VIRMA: variants seen among roughly 807,000 people sequenced by gnomAD.
VIRMA encodes vir like m6A methyltransferase associated.
In VIRMA, 65 loss-of-function variants were observed where a neutral mutation model predicts 182.4. The ratio of observed to expected loss-of-function variants is 0.36; its 90% CI spans 0.29 to 0.44. The LOEUF is 0.44. VIRMA is among the 20% of genes least tolerant of loss of function. The probability of loss-of-function intolerance (pLI) is 1.00; values close to 1 mark genes in which losing one functional copy is unlikely to be tolerated. For missense variants in VIRMA, 1,752 were observed against 2,158.1 expected (o/e 0.81, Z 3.73); for synonymous variants, 709 against 743.1 (o/e 0.95, Z 0.75).
chr8:94,514,822 A>T (rs1363512772), intron 11 of VIRMA, 47 bp downstream of exon 11: 1 of 927,098 alleles, frequency 1.1e-6, no homozygotes, highest in African/African-American at 1.6e-5. Flanking sequence ...ACCATGTACT[A>T]CCACACAGTT....
At chr8:94,547,580 C>A (rs1393187546) in intron 1 of VIRMA, among the ~76,000 whole-genome samples, 1 of 150,908 alleles carries the variant, frequency 6.6e-6, no homozygotes, top group East Asian at 1.9e-4. Context: ...TTTTAAATGA[C>A]CTCTAAAATA....
chr8:94,505,453 C>A (rs1814121374), intron 16 of VIRMA, among the ~76,000 whole-genome samples: 1 of 151,692 alleles, frequency 6.6e-6, no homozygotes, highest in African/African-American at 2.4e-5. Flanking sequence ...AGACAGTGAG[C>A]AGTCTGAGGT....
chr8:94,520,484 A>G (rs746276321), intron 8 of VIRMA, among the ~76,000 whole-genome samples: 1 of 152,094 alleles, frequency 6.6e-6, no homozygotes, highest in Non-Finnish European at 1.5e-5. Context: ...TAGGTGAAAG[A>G]GCAAGACTCT....
intron 2 of VIRMA, among the ~76,000 whole-genome samples, chr8:94,539,601 T>C (rs1815468007): frequency 6.6e-6 from 1 of 152,204 alleles, no homozygotes; most frequent in South Asian, 2.1e-4. Flanking sequence ...GAGATTCCTG[T>C]ATGCACTTCT....
In VIRMA at chr8:94,506,626, G is replaced by A. The variant is rs1364635531; in HGVS notation, c.3971C>T (p.Thr1324Ile). The A allele has an allele frequency of 1.2e-6, 2 of 1,613,458 alleles. No homozygotes were observed. Among genetic ancestry groups the A allele is most frequent in the Admixed American group, 1.7e-5 (1 of 60,004 alleles). Residue 1324 changes from threonine to isoleucine, a missense_variant, in exon 16 of 24, where the codon ACC becomes ATC. Transcript: ENST00000297591. ...SNSLPNKELM[T>I]SICDCLLATL... ...AGCCAACAGACAGTCACAGATTGAG[G>A]TCATCAATTCTTTATTTGGTAGAGA...
chr8:94,515,028 A>G (rs1814513114), intron 10 of VIRMA, 77 bp from the exon 11 acceptor site: 2 of 722,318 alleles, frequency 2.8e-6, no homozygotes, highest in Non-Finnish European at 4.4e-6. Flanking sequence ...TTTTCCAAAG[A>G]AAATCATTAT....
At chr8:94,515,903 C>A (rs918030757) in intron 10 of VIRMA, among the ~76,000 whole-genome samples, 1 of 151,668 alleles carries the variant, frequency 6.6e-6, no homozygotes, top group Non-Finnish European at 1.5e-5. Context: ...GGAGACCATC[C>A]TGGCCAGCAT....
In VIRMA at chr8:94,509,701, G is replaced by A; in HGVS notation, c.3866C>T (p.Ser1289Phe). The A allele has an allele frequency of 6.2e-7, 1 of 1,612,966 alleles. No individual in the cohort carries two copies. The highest frequency in any genetic ancestry group is 8.5e-7 in the Non-Finnish European group (1 of 1,179,628). ...CVEYVTSILQ[S>F]LCDQDIALIL... ...AACTATAAATACCTGATCACAGAGAGACTGCAAAATGGATGTGACATATTC... is the reference window on the plus strand; with the variant it reads ...AACTATAAATACCTGATCACAGAGAAACTGCAAAATGGATGTGACATATTC... Residue 1289 changes from serine (S) to phenylalanine (F), a missense_variant, in exon 15 of 24, where the codon TCT becomes TTT. By Grantham distance (155) the Ser-to-Phe change is radical. Transcript: ENST00000297591.
At position 94,494,591 on chromosome 8, in the gene VIRMA, C is replaced by CAAAAAA. The variant is rs1175058697; in HGVS notation, c.4641+263_4641+268dup. Among the ~76,000 whole-genome samples, 37 of 42,930 alleles carry CAAAAAA rather than the reference C, an allele frequency of 8.6e-4. 1 individual carries two copies. The highest frequency in any genetic ancestry group is 3.4e-3 in the African/African-American group (34 of 10,012). 28.2% of individuals were successfully genotyped at this position (42,930 alleles called of 152,430 possible). The stretch of plus-strand genomic sequence containing the variant: ...TGGGTGACAGAGTGAGACTCTGTCT[C>CAAAAAA]AAAAAAAAAAAAAAAAAAAAAAAAA... On this transcript the variant is annotated intron_variant, in intron 20 of 23. Transcript: ENST00000297591.
At chr8:94,525,913 T>C (rs911184253) in intron 8 of VIRMA, among the ~76,000 whole-genome samples, 25 of 152,214 alleles carry the variant, frequency 1.6e-4, no homozygotes, top group Non-Finnish European at 2.6e-4. Flanking sequence ...ATTCCTTTGT[T>C]ACCACCTTCC....
intron 9 of VIRMA, among the ~76,000 whole-genome samples, chr8:94,518,557 C>T (rs1814640537): frequency 6.6e-6 from 1 of 152,206 alleles, no homozygotes; most frequent in African/African-American, 2.4e-5. Flanking sequence ...GAAGGCTCTT[C>T]AAACCATTAT....
chr8:94,500,063 A>AC, intron 16 of VIRMA, among the ~76,000 whole-genome samples: 1 of 151,248 alleles, frequency 6.6e-6, no homozygotes, highest in East Asian at 2.0e-4. Context: ...AAAAAAAAAA[A>AC]AAAAAAAAAA....
intron 1 of VIRMA, among the ~76,000 whole-genome samples, chr8:94,548,448 T>C (rs1347315930): frequency 6.6e-6 from 1 of 150,758 alleles, no homozygotes; most frequent in Non-Finnish European, 1.5e-5. Flanking sequence ...CAGTGTAAAA[T>C]ACAAAGTAAA....
chr8:94,536,448 G>C (rs1815345623), intron 4 of VIRMA, among the ~76,000 whole-genome samples: 1 of 152,194 alleles, frequency 6.6e-6, no homozygotes, highest in Non-Finnish European at 1.5e-5. Flanking sequence ...TGATAAGAAA[G>C]GAGAAATATG....
rs925008997 is a variant in VIRMA, at chr8:94,544,686, A to G, written c.64-744T>C. On this transcript the variant is annotated intron_variant, in intron 1 of 23. Transcript: ENST00000297591. The stretch of plus-strand genomic sequence containing the variant: ...TCAAAAAAAAAAAAAAAAAAGAAAA[A>G]AAAAGATTATAACAAGCACCATATC... 9.9e-5 allele frequency among the ~76,000 whole-genome samples: 15 copies of G among 151,596 alleles called. No homozygotes were observed. The South Asian group carries it at 2.3e-3, about 23-fold the overall frequency.
At chr8:94,542,909 A>T (rs775026243) in intron 2 of VIRMA, among the ~76,000 whole-genome samples, 3 of 152,048 alleles carry the variant, frequency 2.0e-5, no homozygotes, top group Non-Finnish European at 4.4e-5. Context: ...TAGCTAGTTT[A>T]ACTCTTTTTC....
chr8:94,519,510 G>C (rs1387205056), intron 8 of VIRMA, 34 bp from the exon 9 acceptor site: 1 of 1,508,530 alleles, frequency 6.6e-7, no homozygotes, highest in Admixed American at 2.4e-5. Flanking sequence ...TGTCAAGTCA[G>C]TGCAAAGCAT....
intron 8 of VIRMA, 142 bp downstream of exon 8, chr8:94,526,081 C>G (rs549490839): frequency 2.1e-5 from 14 of 656,882 alleles, no homozygotes; most frequent in Admixed American, 1.3e-4. Flanking sequence ...CTCAGTTCCA[C>G]TACTAAATAA....
At chr8:94,503,546 CA>C (rs1474845936) in intron 16 of VIRMA, among the ~76,000 whole-genome samples, 2 of 151,918 alleles carry the variant, frequency 1.3e-5, no homozygotes, top group African/African-American at 4.8e-5. Context: ...AAAGGGGAGA[CA>C]AAGGATGCAA....
Sources: gnomAD v4.1 joint callset for allele counts (sites outside exome capture counted in the v4.1 genomes callset) on GRCh38, gnomAD v4.1.1 for gene constraint, MANE v1.5 for transcripts, NCBI Gene and HGNC (gene_info 2026-07-23, HGNC 2026-07-21) for gene names.